The following STT3B variants were observed in gnomAD, a reference collection of about 807,000 sequenced individuals.
STT3B encodes the protein STT3 oligosaccharyltransferase complex catalytic subunit B.
Under a neutral mutation model 96.8 loss-of-function variants are expected in STT3B, and 29 were observed. The ratio of observed to expected loss-of-function variants is 0.30; its 90% confidence interval spans 0.22 to 0.41. The LOEUF is 0.41. Ranked by LOEUF, STT3B falls within the 10% of genes least tolerant of loss-of-function variation. The probability of loss-of-function intolerance (pLI) is 1.00; values close to 1 mark genes in which losing one functional copy is unlikely to be tolerated. For missense variants in STT3B, 640 were observed against 1,022.3 expected (o/e 0.63, Z 5.10); for synonymous variants, 367 against 360.0 (o/e 1.02, Z -0.22).
rs1191925081 is a variant in STT3B, at chr3:31,636,172, G to T, written c.*108G>T. On this transcript the variant is annotated 3_prime_UTR_variant, in exon 16 of 16. Transcript: ENST00000295770. ...CAAAGAGGGTACAGAACCATCACTGGTCCAGGTTAATGTACAAAATTTTCT... is the reference window on the plus strand; with the variant it reads ...CAAAGAGGGTACAGAACCATCACTGTTCCAGGTTAATGTACAAAATTTTCT... 2.5e-6 allele frequency: 2 copies of T among 784,500 alleles called. No homozygotes were observed. Among genetic ancestry groups the T allele is most frequent in the Admixed American group, 3.4e-5 (1 of 29,844 alleles). The allele number at this position is 784,500 out of a possible 1,614,324, so 48.6% of individuals were successfully genotyped here.
chr3:31,582,924 T>C (rs537611292), intron 3 of STT3B, among the ~76,000 whole-genome samples: 62 of 152,356 alleles, frequency 4.1e-4, no homozygotes, highest in African/African-American at 1.3e-3. Context: ...TTTAAATCTA[T>C]TGAAATTAAT....
chr3:31,629,575 T>C (rs1238325687), intron 14 of STT3B, among the ~76,000 whole-genome samples, 164 bp downstream of exon 14: 1 of 152,218 alleles, frequency 6.6e-6, no homozygotes, highest in Non-Finnish European at 1.5e-5. Flanking sequence ...GAAACTAATA[T>C]GTGAGAAATT....
intron 1 of STT3B, among the ~76,000 whole-genome samples, chr3:31,541,097 A>T (rs1459562230): frequency 1.3e-5 from 2 of 152,232 alleles, no homozygotes; most frequent in African/African-American, 4.8e-5. Flanking sequence ...ATAAGTCTTA[A>T]ATGTTTCTAT....
intron 1 of STT3B, among the ~76,000 whole-genome samples, chr3:31,568,199 T>G (rs1698053006): frequency 6.6e-6 from 1 of 152,222 alleles, no homozygotes; most frequent in East Asian, 1.9e-4. Context: ...CTCATTCTTT[T>G]CTTTATGGCT....
chr3:31,601,809 C>T (rs1044998736), intron 5 of STT3B, among the ~76,000 whole-genome samples: 1 of 152,148 alleles, frequency 6.6e-6, no homozygotes, highest in African/African-American at 2.4e-5. Context: ...TAGTATATTA[C>T]ATTTATAGCC....
intron 1 of STT3B, among the ~76,000 whole-genome samples, chr3:31,563,662 C>T (rs1386507712): frequency 6.6e-6 from 1 of 152,158 alleles, no homozygotes; most frequent in Non-Finnish European, 1.5e-5. Context: ...AAGAGCATTC[C>T]TCTTAGCAGA....
chr3:31,612,312 A>T (rs546718124), intron 5 of STT3B, among the ~76,000 whole-genome samples: 86 of 152,348 alleles, frequency 5.6e-4, no homozygotes, highest in African/African-American at 2.0e-3. Context: ...GATCCAAAAA[A>T]TGTGAAAAAT....
chr3:31,632,572 T>C (rs1350206680), intron 14 of STT3B, among the ~76,000 whole-genome samples: 1 of 151,758 alleles, frequency 6.6e-6, no homozygotes, highest in African/African-American at 2.4e-5. Context: ...GGATAGATAG[T>C]GCAAGGCCCT....
chr3:31,537,526 T>C (rs892990067), intron 1 of STT3B, among the ~76,000 whole-genome samples: 1 of 152,208 alleles, frequency 6.6e-6, no homozygotes, highest in Non-Finnish European at 1.5e-5. Context: ...TTGAGTGTGA[T>C]GGCTTCCATA....
intron 5 of STT3B, among the ~76,000 whole-genome samples, chr3:31,606,172 CAG>C (rs1181972875): frequency 6.6e-6 from 1 of 152,140 alleles, no homozygotes; most frequent in African/African-American, 2.4e-5. Flanking sequence ...AAAAGGGAAA[CAG>C]AGCATAAAAG....
intron 8 of STT3B, among the ~76,000 whole-genome samples, chr3:31,618,628 G>C (rs76428285): frequency 0.044 from 6,636 of 151,746 alleles, 372 homozygotes; most frequent in East Asian, 0.32. Flanking sequence ...TACTCCCCAG[G>C]TGGCTCAATA....
intron 1 of STT3B, among the ~76,000 whole-genome samples, chr3:31,536,760 C>G (rs1697109355): frequency 6.6e-6 from 1 of 152,180 alleles, no homozygotes; most frequent in Non-Finnish European, 1.5e-5. Context: ...CTGAGTTGAA[C>G]AGATAGGAGG....
rs1053681272 is a variant in STT3B at position 31,540,283 on chromosome 3, A to G, written c.314+6971A>G. 4.6e-5 allele frequency among the ~76,000 whole-genome samples: 7 copies of G among 152,216 alleles called. No homozygotes were observed. The South Asian group carries it at 1.2e-3, about 27-fold the overall frequency. On this transcript the variant is annotated intron_variant, in intron 1 of 15. Coordinates refer to ENST00000295770, the MANE Select transcript of STT3B (RefSeq NM_178862.3). ...TGTGTACTGGTTGTCTGTAATCTCC[A>G]TAAATTAGCAGTATAAATTTTAAAA...
In STT3B at chr3:31,626,023, G is replaced by C. The variant is rs371673458; in HGVS notation, c.1969G>C (p.Val657Leu). The C allele has an allele frequency of 2.6e-5, 42 of 1,613,592 alleles. No homozygotes were observed. The highest frequency in any genetic ancestry group is 3.3e-5 in the Non-Finnish European group (39 of 1,179,814). ...CATGAGGACTCTAGATGTAGATTAT[G>C]TTTTGGTTATTTTTGGAGGGGTTAT... ...KIMRTLDVDYVLVIFGGVIGY... is the reference protein window; with the variant it reads ...KIMRTLDVDYLLVIFGGVIGY... Residue 657 changes from valine (V) to leucine (L), a missense_variant, in exon 13 of 16, where the codon GTT (valine) becomes CTT (leucine). Around this residue, in one of 8 missense-constraint regions of STT3B, gnomAD observed 149 missense variants for 250.2 expected, o/e 0.60. Transcript: ENST00000295770.
At chr3:31,535,384 G>C (rs1697063514) in intron 1 of STT3B, among the ~76,000 whole-genome samples, 2 of 148,806 alleles carry the variant, frequency 1.3e-5, no homozygotes, top group African/African-American at 5.0e-5. Context: ...TCTTTTTCCA[G>C]CTTCAGTAGT....
intron 5 of STT3B, among the ~76,000 whole-genome samples, chr3:31,602,659 G>GT (rs1698956242): frequency 2.3e-5 from 3 of 129,572 alleles, no homozygotes; most frequent in East Asian, 5.0e-4. Context: ...TGGTAGCTGG[G>GT]ATTTTTTTTT....
chr3:31,582,544 C>T (rs112937189), intron 3 of STT3B, among the ~76,000 whole-genome samples: 4,079 of 152,088 alleles, frequency 0.027, 181 homozygotes, highest in African/African-American at 0.093. Context: ...CCACCCACCT[C>T]GGCCTCCCAA....
chr3:31,598,501 G>A (rs894398318), intron 4 of STT3B, among the ~76,000 whole-genome samples: 1 of 152,138 alleles, frequency 6.6e-6, no homozygotes, highest in Non-Finnish European at 1.5e-5. Context: ...TAGAAAGACT[G>A]TTCTTCTGGC....
At chr3:31,546,047 A>G (rs576880857) in intron 1 of STT3B, among the ~76,000 whole-genome samples, 2 of 152,290 alleles carry the variant, frequency 1.3e-5, no homozygotes, top group African/African-American at 4.8e-5. Flanking sequence ...ACATTTGAAT[A>G]TCCAGTTTTT....
Sources: allele counts gnomAD v4.1 joint callset (sites outside exome capture counted in the v4.1 genomes callset), GRCh38; gene constraint gnomAD v4.1.1; regional missense constraint gnomAD v4.1.1; transcripts MANE v1.5; gene names NCBI Gene and HGNC (gene_info 2026-07-23, HGNC 2026-07-21).